The following PTPRT variants were observed in gnomAD, a reference collection of about 807,000 sequenced individuals.
PTPRT encodes the protein receptor-type tyrosine-protein phosphatase T.
In PTPRT, 56 loss-of-function variants were observed where a neutral mutation model predicts 176.8. That is an observed-to-expected ratio of 0.32 (90% CI 0.26 to 0.40). The LOEUF (loss-of-function observed/expected upper bound fraction) is 0.40, where lower values mean the gene tolerates loss of function less well. PTPRT is among the 10% of genes least tolerant of loss of function. PTPRT has a pLI of 1.00. For missense variants in PTPRT, 1,540 were observed against 1,908.2 expected (o/e 0.81, Z 3.60); for synonymous variants, 783 against 739.0 (o/e 1.06, Z -0.96).
chr20:42,748,838 C>T (rs1037735890), intron 6 of PTPRT, among the ~76,000 whole-genome samples: 2 of 152,064 alleles, frequency 1.3e-5, no homozygotes, highest in African/African-American at 4.8e-5. Flanking sequence ...CCCAGGGGTT[C>T]TACACTGAAT....
In PTPRT at chr20:43,009,556, G is replaced by A. The variant is rs781457176; in HGVS notation, c.89-123624C>T. 1.4e-4 allele frequency among the ~76,000 whole-genome samples: 22 copies of A among 152,312 alleles called. No individual in the cohort carries two copies. In the South Asian group the frequency reaches 4.1e-3, roughly 29 times the overall value. On this transcript the variant is annotated intron_variant, in intron 1 of 30. Transcript: ENST00000373187. ...CTATGCATTCTTCAAAGAGAAGAAG[G>A]GCCAGGAGAATGGTGTAAGATGAAC...
chr20:42,037,498 C>T, the PTPRT span, among the ~76,000 whole-genome samples: 1 of 152,294 alleles, frequency 6.6e-6, no homozygotes, highest in South Asian at 2.1e-4. Context: ...CACACTTAGA[C>T]ATGGACATGA....
intron 12 of PTPRT, among the ~76,000 whole-genome samples, chr20:42,314,267 G>A (rs1395432914): frequency 3.3e-5 from 5 of 152,096 alleles, no homozygotes; most frequent in African/African-American, 1.2e-4. Context: ...GGTGGCTCAC[G>A]CCTGTAATCC....
At chr20:42,709,542 C>T (rs1267619136) in intron 6 of PTPRT, among the ~76,000 whole-genome samples, 1 of 152,330 alleles carries the variant, frequency 6.6e-6, no homozygotes, top group East Asian at 1.9e-4. Context: ...GCTTTGTGTA[C>T]AGCCTGTAGA....
At chr20:42,127,408 C>T (rs113413247) in intron 19 of PTPRT, among the ~76,000 whole-genome samples, 1 of 152,090 alleles carries the variant, frequency 6.6e-6, no homozygotes, top group Non-Finnish European at 1.5e-5. Context: ...CTCTCTTTCT[C>T]TCTCTCTCTC....
chr20:42,699,942 C>T (rs540032205), intron 6 of PTPRT, among the ~76,000 whole-genome samples: 1 of 152,226 alleles, frequency 6.6e-6, no homozygotes, highest in East Asian at 1.9e-4. Context: ...CAGAAGCAGC[C>T]CTAAATAGAT....
chr20:42,632,407 T>C (rs570782815), intron 7 of PTPRT, among the ~76,000 whole-genome samples: 1 of 151,942 alleles, frequency 6.6e-6, no homozygotes, highest in Non-Finnish European at 1.5e-5. Flanking sequence ...GCATTTTTAG[T>C]AGAGATGGGA....
chr20:43,188,612 A>G (rs947950926), intron 1 of PTPRT, among the ~76,000 whole-genome samples: 5 of 152,202 alleles, frequency 3.3e-5, no homozygotes, highest in Non-Finnish European at 7.3e-5. Flanking sequence ...GGCTGATCTC[A>G]GCCTGTCCCC....
At chr20:42,817,567 T>G (rs183084024) in intron 2 of PTPRT, among the ~76,000 whole-genome samples, 1 of 152,368 alleles carries the variant, frequency 6.6e-6, no homozygotes, top group East Asian at 1.9e-4. Flanking sequence ...AAATGCCTTT[T>G]GTTATGATTT....
At position 42,639,517 on chromosome 20, in the gene PTPRT, T is replaced by C. The variant is rs1289684989; in HGVS notation, c.1153+38349A>G. Reference sequence around the variant, plus strand: ...CTTGGGTCTCAACTCTAAGGAAGCATATTCCTTTCACGAATCATTTTGTAG... The same window carrying C: ...CTTGGGTCTCAACTCTAAGGAAGCACATTCCTTTCACGAATCATTTTGTAG... On this transcript the variant is annotated intron_variant, in intron 7 of 30. Transcript: ENST00000373187. Among the ~76,000 whole-genome samples, 3 of 152,278 alleles carry C rather than the reference T, an allele frequency of 2.0e-5. No individual in the cohort carries two copies. In the East Asian group the frequency reaches 5.8e-4, roughly 29 times the overall value.
chr20:43,011,382 C>T (rs1985112822), intron 1 of PTPRT, among the ~76,000 whole-genome samples: 1 of 152,180 alleles, frequency 6.6e-6, no homozygotes. Context: ...TTCAACTCAA[C>T]TTCAATAAAT....
intron 7 of PTPRT, among the ~76,000 whole-genome samples, chr20:42,623,797 C>T (rs190650715): frequency 6.6e-6 from 1 of 151,694 alleles, no homozygotes. Context: ...CTTGTGTTCC[C>T]ACACCCAGCC....
intron 1 of PTPRT, among the ~76,000 whole-genome samples, chr20:43,089,643 T>G (rs1187353112): frequency 1.3e-5 from 2 of 151,984 alleles, no homozygotes; most frequent in Non-Finnish European, 2.9e-5. Flanking sequence ...GGAGGTGGAA[T>G]GGTGAGGAGA....
chr20:42,153,337 C>T (rs1989214931), intron 17 of PTPRT, among the ~76,000 whole-genome samples: 1 of 152,060 alleles, frequency 6.6e-6, no homozygotes, highest in Non-Finnish European at 1.5e-5. Context: ...TCATGCTAAG[C>T]CTGTAGTCAA....
chr20:42,731,374 T>G (rs747641414), intron 6 of PTPRT, among the ~76,000 whole-genome samples: 1 of 152,230 alleles, frequency 6.6e-6, no homozygotes, highest in African/African-American at 2.4e-5. Flanking sequence ...AGAATCTTAA[T>G]TACCGAGCAG....
chr20:42,592,681 G>A lies in PTPRT; in HGVS notation c.1153+85185C>T, dbSNP rs115509365. 2.5e-4 allele frequency among the ~76,000 whole-genome samples: 38 copies of A among 152,282 alleles called. 1 individual carries two copies. In the South Asian group the frequency reaches 3.3e-3, roughly 13 times the overall value. On this transcript the variant is annotated intron_variant, in intron 7 of 30. Transcript: ENST00000373187. ...GCTAGCCCCTCTGAAGGTGCTGACC[G>A]ACTCCCTGGAGTTTACTATTTGTGT...
chr20:42,969,698 G>T (rs538565126), intron 1 of PTPRT: 1 of 152,198 alleles, frequency 6.6e-6, no homozygotes, highest in African/African-American at 2.4e-5. Flanking sequence ...GCTAAGATTT[G>T]AGTTAAAGTG....
chr20:43,032,160 A>G (rs1986163606), intron 1 of PTPRT, among the ~76,000 whole-genome samples: 1 of 152,164 alleles, frequency 6.6e-6, no homozygotes, highest in African/African-American at 2.4e-5. Flanking sequence ...TGAGGCACAT[A>G]ACATGTATGC....
intron 1 of PTPRT, among the ~76,000 whole-genome samples, chr20:42,989,358 A>T (rs145261297): frequency 6.6e-6 from 1 of 152,402 alleles, no homozygotes; most frequent in African/African-American, 2.4e-5. Context: ...TTGTGTGAGC[A>T]GTGAGAGATG....
Sources: allele counts gnomAD v4.1 joint callset (sites outside exome capture counted in the v4.1 genomes callset), GRCh38; gene constraint gnomAD v4.1.1; transcripts MANE v1.5; gene names NCBI Gene and HGNC (gene_info 2026-07-23, HGNC 2026-07-21).